Variants in RANBP3 observed in about 807,000 individuals in gnomAD.
The protein encoded by RANBP3 is ran-binding protein 3.
Under a neutral mutation model 77.3 loss-of-function variants are expected in RANBP3, and 14 were observed. The observed-to-expected ratio is 0.18, with a 90% CI of 0.12 to 0.28. RANBP3 has a LOEUF of 0.28. Ranked by LOEUF, RANBP3 falls within the 10% of genes least tolerant of loss-of-function variation. The probability of loss-of-function intolerance (pLI) is 1.00; values close to 1 mark genes in which losing one functional copy is unlikely to be tolerated. For missense variants in RANBP3, 586 were observed against 752.3 expected (o/e 0.78, Z 2.59); for synonymous variants, 315 against 312.4 (o/e 1.01, Z -0.09).
chr19:5,933,346 T>C (rs1287625318), intron 6 of RANBP3, 68 bp downstream of exon 6: 1 of 1,297,914 alleles, frequency 7.7e-7, no homozygotes. Flanking sequence ...GGTGCCCTGG[T>C]GTGGCCTAGC....
At chr19:5,918,748 G>C in intron 14 of RANBP3, 110 bp from the exon 15 acceptor site, 1 of 1,383,840 alleles carries the variant, frequency 7.2e-7, no homozygotes, top group Non-Finnish European at 9.9e-7. Flanking sequence ...CCGCGCAAAA[G>C]CCCATGATCC....
At chr19:5,930,662 G>A (rs368101951) in intron 8 of RANBP3, among the ~76,000 whole-genome samples, 9 of 152,196 alleles carry the variant, frequency 5.9e-5, no homozygotes, top group East Asian at 1.9e-4. Context: ...TCCCCTTCCC[G>A]GGCTCAAGCA....
intron 6 of RANBP3, chr19:5,932,779 A>C: frequency 1.8e-6 from 1 of 542,876 alleles, no homozygotes; most frequent in Non-Finnish European, 3.3e-6. Flanking sequence ...GAATTAATCC[A>C]GTTAGCACAG....
chr19:5,954,732 C>G lies in RANBP3; in HGVS notation c.79-3136G>C, dbSNP rs1020367253. ...AAGACAGGGATGGGTTGATGGCCTCCGCAAGAGAGAATGAAACCATAAAGG... is the reference window on the plus strand; with the variant it reads ...AAGACAGGGATGGGTTGATGGCCTCGGCAAGAGAGAATGAAACCATAAAGG... On this transcript the variant is annotated intron_variant, in intron 2 of 16. Transcript: ENST00000340578. 3.3e-5 allele frequency among the ~76,000 whole-genome samples: 5 copies of G among 152,290 alleles called. No homozygotes were observed. In the East Asian group the frequency reaches 9.6e-4, roughly 29 times the overall value.
At chr19:5,919,738 A>G (rs2057792387) in intron 14 of RANBP3, among the ~76,000 whole-genome samples, 1 of 152,082 alleles carries the variant, frequency 6.6e-6, no homozygotes. Flanking sequence ...GTCTCTACTT[A>G]AAGTATAAAA....
Position 5,962,792 on chromosome 19 carries a change from C to T in RANBP3, c.23-4819G>A, listed in dbSNP as rs118191827. ...ATCAACTGCAAATCAGCACGGCTAT[C>T]GCAAACAGACAAGACACACAAGCCC... On this transcript the variant is annotated intron_variant, in intron 1 of 16. Transcript: ENST00000340578. The T allele has an allele frequency of 4.1e-4, 189 of 455,606 alleles. 1 individual carries two copies. In the East Asian group the frequency reaches 0.011, roughly 26 times the overall value. The allele number at this position is 455,606 out of a possible 1,614,324, so 28.2% of individuals were successfully genotyped here.
Position 5,922,665 on chromosome 19 carries a change from C to A in RANBP3, c.1209+529G>T, listed in dbSNP as rs181122628. 8.0e-4 allele frequency among the ~76,000 whole-genome samples: 122 copies of A among 152,336 alleles called. 2 individuals are homozygous for A. The South Asian group carries it at 8.9e-3, about 11-fold the overall frequency. On this transcript the variant is annotated intron_variant, in intron 13 of 16. Coordinates refer to ENST00000340578, the MANE Select transcript of RANBP3 (RefSeq NM_007322.3). ...ACCATCAAAAATGTCTCGGGCTGGG[C>A]GTGGTGGCTCACGCCTGTCATCCCA...
At chr19:5,964,410 G>A (rs1486208488) in intron 1 of RANBP3, among the ~76,000 whole-genome samples, 1 of 152,212 alleles carries the variant, frequency 6.6e-6, no homozygotes, top group Non-Finnish European at 1.5e-5. Flanking sequence ...CAGCTGCACA[G>A]AGGATGAAAA....
In RANBP3 at chr19:5,921,206, C is replaced by T. The variant is rs1382367568; in HGVS notation, c.1325G>A (p.Arg442Gln). Residue 442 changes from arginine to glutamine, a missense_variant, in exon 14 of 17, where the codon CGA becomes CAA. This residue lies in a region of RANBP3 where 51 missense variants were observed against 123.2 expected (regional missense o/e 0.41). Transcript: ENST00000340578. The surrounding 1 kb of genome is among the most constrained non-coding windows in gnomAD (Gnocchi z 5.3). ...CCCCGCCGTCGGCAGCTCACCTAGT[C>T]GGGACTGTAGTGTGCCGTCATCGGT... is the stretch of plus-strand genomic sequence containing the variant. Reference protein sequence around the residue: ...ASTDDGTLQSRLVMRTQGSLR... With the variant: ...ASTDDGTLQSQLVMRTQGSLR... 1 of 1,610,390 alleles carries T rather than the reference C, an allele frequency of 6.2e-7. No individual in the cohort carries two copies. The highest frequency in any genetic ancestry group is 1.7e-5 in the Admixed American group (1 of 59,842).
At chr19:5,955,429 C>T (rs1410209098) in intron 2 of RANBP3, among the ~76,000 whole-genome samples, 1 of 152,164 alleles carries the variant, frequency 6.6e-6, no homozygotes, top group Non-Finnish European at 1.5e-5. Context: ...AAATGCCTTC[C>T]TGGCTAGCCT....
At chr19:5,925,496 A>C in intron 10 of RANBP3, 138 bp downstream of exon 10, 2 of 707,422 alleles carry the variant, frequency 2.8e-6, no homozygotes, top group Non-Finnish European at 4.9e-6. Flanking sequence ...AGAGTGGGGA[A>C]TGAGAGAGAG....
Position 5,961,409 on chromosome 19 carries a change from T to TCAAAA in RANBP3, c.23-3441_23-3437dup, listed in dbSNP as rs760576600. On this transcript the variant is annotated intron_variant, in intron 1 of 16. Transcript: ENST00000340578. ...CTGGGTGACAGAGCGAGATTCCATC[T>TCAAAA]CAAAACAAAACAAAACAAAACAAAA... Among the ~76,000 whole-genome samples, 220 of 140,248 alleles carry TCAAAA rather than the reference T, an allele frequency of 1.6e-3. 1 individual carries two copies. The East Asian group carries it at 0.016, about 10-fold the overall frequency. The allele number at this position is 140,248 out of a possible 152,430, so 92.0% of individuals were successfully genotyped here. A position where few individuals can be genotyped will look rare whatever the true frequency, so the allele number is the denominator to read the frequency against.
In RANBP3 at chr19:5,957,867, A is replaced by G. The variant is rs535303479; in HGVS notation, c.78+51T>C. 2.5e-6 allele frequency: 4 copies of G among 1,597,922 alleles called. No homozygotes were observed. In the South Asian group the frequency reaches 4.4e-5, roughly 18 times the overall value. On this transcript the variant is annotated intron_variant, in intron 2 of 16. Coordinates refer to ENST00000340578, the MANE Select transcript of RANBP3 (RefSeq NM_007322.3). ...CCTGGAAAAGAGACTCTCAGTAAAG[A>G]GAGAACAAATTAGAGTAACGAAGTG...
chr19:5,972,082 G>A (rs1228630694), intron 1 of RANBP3, among the ~76,000 whole-genome samples: 1 of 152,176 alleles, frequency 6.6e-6, no homozygotes, highest in Non-Finnish European at 1.5e-5. Flanking sequence ...AACCTAAATG[G>A]GCCAAATTAA....
intron 3 of RANBP3, among the ~76,000 whole-genome samples, chr19:5,942,275 G>A (rs1483544957): frequency 6.6e-6 from 1 of 152,156 alleles, no homozygotes; most frequent in African/African-American, 2.4e-5. Context: ...TCCTTGCCCT[G>A]GAACATTCTA....
At chr19:5,957,019 T>A (rs1599778046) in intron 2 of RANBP3, among the ~76,000 whole-genome samples, 1 of 149,328 alleles carries the variant, frequency 6.7e-6, no homozygotes, top group Admixed American at 6.6e-5. Flanking sequence ...GGGTATGAGG[T>A]GGGGAGTGCC....
chr19:5,968,867 G>C (rs921636077), intron 1 of RANBP3, among the ~76,000 whole-genome samples: 1 of 152,236 alleles, frequency 6.6e-6, no homozygotes, highest in African/African-American at 2.4e-5. Flanking sequence ...CTCTCTACTG[G>C]GAAAGAGAAA....
At chr19:5,961,724 ACT>A (rs1301582904) in intron 1 of RANBP3, among the ~76,000 whole-genome samples, 1 of 149,348 alleles carries the variant, frequency 6.7e-6, no homozygotes, top group African/African-American at 2.5e-5. Context: ...CAAGAGTGAA[ACT>A]CTGTCTCAAA....
chr19:5,928,210 C>T, intron 8 of RANBP3, 123 bp from the exon 9 acceptor site: 1 of 1,187,134 alleles, frequency 8.4e-7, no homozygotes, highest in Non-Finnish European at 1.2e-6. Flanking sequence ...TGCCTGCACT[C>T]CCAGCTACTC....
Sources: gnomAD v4.1 joint callset for allele counts (sites outside exome capture counted in the v4.1 genomes callset) on GRCh38, gnomAD v4.1.1 for gene constraint, gnomAD v4.1.1 regional missense constraint, Gnocchi (gnomAD v3.1) non-coding constraint, MANE v1.5 for transcripts, NCBI Gene and HGNC (gene_info 2026-07-23, HGNC 2026-07-21) for gene names.